MOSPD2: variants seen among roughly 807,000 people sequenced by gnomAD.
MOSPD2 encodes the protein motile sperm domain containing 2.
In MOSPD2, 5 loss-of-function variants were observed where a neutral mutation model predicts 41.7. The observed-to-expected ratio is 0.12, with a 90% CI of 0.06 to 0.25. MOSPD2 has a LOEUF of 0.25. Among genes scored for constraint, MOSPD2 ranks in the 10% least tolerant of loss-of-function variants. The pLI, the probability that MOSPD2 is intolerant of heterozygous loss-of-function variation, is 1.00. For missense variants in MOSPD2, 282 were observed against 375.2 expected, an observed-to-expected ratio of 0.75 and a Z score of 2.05; for synonymous variants, 115 against 126.9, an observed-to-expected ratio of 0.91 and a Z score of 0.63.
In MOSPD2 at chrX:14,920,456, G is replaced by A; in HGVS notation, c.*647G>A. The stretch of plus-strand genomic sequence containing the variant: ...TTTTATTAATCTCAGGCTTTTTTAT[G>A]AACACTCTCATTTCAGTAGAATTTG... On this transcript the variant is annotated 3_prime_UTR_variant, in exon 15 of 15. Coordinates refer to ENST00000380492, the MANE Select transcript of MOSPD2 (RefSeq NM_152581.4). The A allele has an allele frequency of 4.0e-6, 3 of 753,815 alleles. No individual in the cohort carries two copies. Among genetic ancestry groups the A allele is most frequent in the Non-Finnish European group, 4.7e-6 (3 of 639,168 alleles). 62.1% of individuals were successfully genotyped at this position (753,815 alleles called of 1,213,427 possible). A position where few individuals can be genotyped will look rare whatever the true frequency, so the allele number is the denominator to read the frequency against.
chrX:14,873,455 G>A lies in MOSPD2; in HGVS notation c.-74G>A. On this transcript the variant is annotated 5_prime_UTR_variant, in exon 1 of 15. Coordinates refer to ENST00000380492, the MANE Select transcript of MOSPD2 (RefSeq NM_152581.4). ...TGTCTACCTCTGGGCGGGACTGCCG[G>A]GTGATGAGATACTCGGTCGGCGACG... 8.3e-7 allele frequency: 1 copy of A among 1,200,099 alleles called. No homozygotes were observed. Among genetic ancestry groups the A allele is most frequent in the Non-Finnish European group, 1.1e-6 (1 of 885,021 alleles).
chrX:14,900,876 C>A (rs908306556), intron 6 of MOSPD2, among the ~76,000 whole-genome samples: 1 of 111,384 alleles, frequency 9.0e-6, no homozygotes, highest in Non-Finnish European at 1.9e-5. Context: ...ATATGGCATC[C>A]TATAACACAC....
rs775166629 is a variant in MOSPD2, at chrX:14,888,206, G to GCACACACACA, written c.80-4483_80-4474dup. 1.3e-3 allele frequency among the ~76,000 whole-genome samples: 76 copies of GCACACACACA among 56,776 alleles called. 1 individual carries two copies. Among genetic ancestry groups the GCACACACACA allele is most frequent in the Non-Finnish European group, 2.8e-3 (66 of 23,879 alleles). The allele number at this position is 56,776 out of a possible 115,157, so 49.3% of individuals were successfully genotyped here. On this transcript the variant is annotated intron_variant, in intron 2 of 14. Coordinates refer to ENST00000380492, the MANE Select transcript of MOSPD2 (RefSeq NM_152581.4). ...ATTGGGAGAATATATACACACACACGCACACACACACACACACACACACAC... is the reference window on the plus strand; with the variant it reads ...ATTGGGAGAATATATACACACACACGCACACACACACACACACACACACACACACACACAC...
chrX:14,873,868 C>T (rs1225243853), intron 2 of MOSPD2, 110 bp downstream of exon 2: 6 of 629,755 alleles, frequency 9.5e-6, no homozygotes, highest in African/African-American at 8.7e-5. Context: ...TTTCGACCCT[C>T]ACAGGAATGA....
chrX:14,909,327 A>G (rs914848767), intron 8 of MOSPD2, among the ~76,000 whole-genome samples: 1 of 111,550 alleles, frequency 9.0e-6, no homozygotes, highest in African/African-American at 3.3e-5. Flanking sequence ...TGTATTACCC[A>G]TATAAACAAG....
rs914643952 is a variant in MOSPD2, at chrX:14,893,529, G to A, written c.235+651G>A. ...ATGGTCTTCAAGTATATGAAGACCT[G>A]TTAGTTCTCTCCACCAAAAAATTGA... On this transcript the variant is annotated intron_variant, in intron 3 of 14. Transcript: ENST00000380492. Among the ~76,000 whole-genome samples the A allele has an allele frequency of 3.6e-5, 4 of 111,673 alleles. No individual in the cohort carries two copies. The Admixed American group carries it at 3.8e-4, about 11-fold the overall frequency.
chrX:14,916,305 G>A lies in MOSPD2; in HGVS notation c.1295G>A (p.Arg432Lys), dbSNP rs376188992. 5.2e-5 allele frequency: 63 copies of A among 1,210,390 alleles called. No individual in the cohort carries two copies. The African/African-American group carries it at 1.0e-3, about 20-fold the overall frequency. ...ELTQFWKEVPRNKVMEHRLRC... is the reference protein window; with the variant it reads ...ELTQFWKEVPKNKVMEHRLRC... Reference sequence around the variant, plus strand: ...ACTCAGTTTTGGAAAGAAGTTCCCAGAAACAAAGTGATGGAACATAGGTAA... The same window carrying A: ...ACTCAGTTTTGGAAAGAAGTTCCCAAAAACAAAGTGATGGAACATAGGTAA... Residue 432 changes from arginine (R) to lysine (K), a missense_variant, in exon 13 of 15, where the codon AGA (arginine) becomes AAA (lysine). Arg to Lys is a conservative substitution (Grantham distance 26, BLOSUM62 2). This residue lies in a region of MOSPD2 where 94 missense variants were observed against 102.1 expected (regional missense o/e 0.92). Transcript: ENST00000380492.
In MOSPD2 at chrX:14,906,984, A is replaced by G. The variant is rs5935826; in HGVS notation, c.578-1876A>G. ...GGTTGCAGTGAGCCAAGATTGCGCC[A>G]TTGCTCTCCAACCTGGGCAACAAGA... On this transcript the variant is annotated intron_variant, in intron 7 of 14. Transcript: ENST00000380492. Among the ~76,000 whole-genome samples, 321 of 112,150 alleles carry G rather than the reference A, an allele frequency of 2.9e-3. 1 individual carries two copies. The highest frequency in any genetic ancestry group is 5.1e-3 in the Non-Finnish European group (271 of 53,180).
intron 5 of MOSPD2, 109 bp downstream of exon 5, chrX:14,897,347 T>C: frequency 3.4e-6 from 2 of 588,267 alleles, no homozygotes; most frequent in South Asian, 4.4e-5. Context: ...AACTAACTTA[T>C]ATTAGGGATT....
At chrX:14,879,507 G>A (rs1353330909) in intron 2 of MOSPD2, among the ~76,000 whole-genome samples, 2 of 111,850 alleles carry the variant, frequency 1.8e-5, no homozygotes, top group Admixed American at 1.9e-4. Flanking sequence ...ATGTTCTCAT[G>A]TCTAATTCTT....
intron 2 of MOSPD2, among the ~76,000 whole-genome samples, chrX:14,882,202 G>A (rs1044514572): frequency 9.0e-6 from 1 of 111,517 alleles, no homozygotes; most frequent in Non-Finnish European, 1.9e-5. Flanking sequence ...TGGAGGACAT[G>A]GTAAGTGAAA....
chrX:14,915,550 A>G, intron 11 of MOSPD2, 118 bp from the exon 12 acceptor site: 1 of 319,136 alleles, frequency 3.1e-6, no homozygotes, highest in Non-Finnish European at 4.9e-6. Context: ...CTTAAAGTAT[A>G]ATAAAAATAA....
At chrX:14,905,937 G>C (rs1208012168) in intron 7 of MOSPD2, among the ~76,000 whole-genome samples, 1 of 111,278 alleles carries the variant, frequency 9.0e-6, no homozygotes, top group Non-Finnish European at 1.9e-5. Flanking sequence ...AATTGTGGTT[G>C]GTGAATCAAA....
chrX:14,915,769 G>A lies in MOSPD2; in HGVS notation c.1186+5G>A. 1 of 1,190,064 alleles carries A rather than the reference G, an allele frequency of 8.4e-7. No individual in the cohort carries two copies. On this transcript the variant is annotated splice_donor_5th_base_variant and intron_variant, in intron 12 of 14. Transcript: ENST00000380492. ...TAGTTGTGTCTCCCCATGGGGGTGA[G>A]TTGTCACTTAGTAGCCACAGCAGGT...
intron 2 of MOSPD2, among the ~76,000 whole-genome samples, chrX:14,891,450 A>G (rs1344576010): frequency 9.0e-6 from 1 of 111,539 alleles, no homozygotes; most frequent in African/African-American, 3.3e-5. Context: ...TGAAAATAGT[A>G]AATACCGTAA....
At chrX:14,891,774 C>T (rs1228587863) in intron 2 of MOSPD2, among the ~76,000 whole-genome samples, 1 of 109,490 alleles carries the variant, frequency 9.1e-6, no homozygotes, top group Non-Finnish European at 1.9e-5. Context: ...TCCATGTTGC[C>T]CAGGCTGGTC....
At chrX:14,884,915 A>C (rs1473311788) in intron 2 of MOSPD2, among the ~76,000 whole-genome samples, 2 of 111,195 alleles carry the variant, frequency 1.8e-5, no homozygotes, top group East Asian at 5.6e-4. Context: ...CTAACCATAT[A>C]ACCTTAAAAT....
At chrX:14,902,648 C>G (rs2092575094) in intron 6 of MOSPD2, among the ~76,000 whole-genome samples, 1 of 111,902 alleles carries the variant, frequency 8.9e-6, no homozygotes, top group African/African-American at 3.3e-5. Context: ...TAACTGTTTT[C>G]TTTTGTACCT....
chrX:14,918,262 T>C (rs2092603714), intron 13 of MOSPD2, among the ~76,000 whole-genome samples: 1 of 111,838 alleles, frequency 8.9e-6, no homozygotes, highest in Non-Finnish European at 1.9e-5. Flanking sequence ...CAATTACTGA[T>C]GGCTTGCTTT....
Sources: allele counts gnomAD v4.1 joint callset (sites outside exome capture counted in the v4.1 genomes callset), GRCh38; gene constraint gnomAD v4.1.1; regional missense constraint gnomAD v4.1.1; transcripts MANE v1.5; gene names NCBI Gene and HGNC (gene_info 2026-07-23, HGNC 2026-07-21).